The following C14orf39 variants were observed in gnomAD, a reference collection of about 807,000 sequenced individuals.
C14orf39 encodes protein SIX6OS1.
Under a neutral mutation model 85.6 loss-of-function variants are expected in C14orf39, and 66 were observed. That is an observed-to-expected ratio of 0.77 (90% CI 0.63 to 0.95). The LOEUF is 0.95. C14orf39 is among the 40% of genes least tolerant of loss of function. The pLI, the probability that C14orf39 is intolerant of heterozygous loss-of-function variation, is 0.00. For missense variants in C14orf39, 735 were observed against 663.9 expected, an observed-to-expected ratio of 1.11 and a Z score of -1.18; for synonymous variants, 242 against 214.0, an observed-to-expected ratio of 1.13 and a Z score of -1.14.
intron 5 of C14orf39, 125 bp downstream of exon 5, chr14:60,478,175 T>C (rs528786258): frequency 1.0e-4 from 3 of 29,076 alleles, no homozygotes; most frequent in Non-Finnish European, 2.1e-4. Context: ...CGAGACTCCA[T>C]CTCAAAAAAA....
intron 16 of C14orf39, among the ~76,000 whole-genome samples, chr14:60,453,121 T>A (rs1478402453): frequency 1.3e-5 from 2 of 152,062 alleles, no homozygotes; most frequent in African/African-American, 4.8e-5. Context: ...TTACTGATTG[T>A]GTTATCTAAT....
At chr14:60,467,708 A>G (rs1891863259) in intron 9 of C14orf39, among the ~76,000 whole-genome samples, 2 of 151,782 alleles carry the variant, frequency 1.3e-5, no homozygotes, top group South Asian at 2.1e-4. Context: ...AATGTGGTAC[A>G]TGGGAGTGGA....
chr14:60,466,366 T>C (rs1467468417), intron 10 of C14orf39, among the ~76,000 whole-genome samples: 1 of 151,966 alleles, frequency 6.6e-6, no homozygotes, highest in African/African-American at 2.4e-5. Context: ...TAATATAATG[T>C]ATTAGGTTGG....
In C14orf39 at chr14:60,484,854, A is replaced by G. The variant is rs768338107; in HGVS notation, c.106+27T>C. ...TGCCATAAGGAATTAAAAGACTAAAATATCTTGATCATGCAAAGCTACTTA... is the reference window on the plus strand; with the variant it reads ...TGCCATAAGGAATTAAAAGACTAAAGTATCTTGATCATGCAAAGCTACTTA... On this transcript the variant is annotated intron_variant, in intron 3 of 17. Transcript: ENST00000321731. This position sits in a 1 kb window ranked among gnomAD's most constrained non-coding sequence, Gnocchi z 4.2. 2.7e-6 allele frequency: 4 copies of G among 1,486,884 alleles called. No homozygotes were observed. The highest frequency in any genetic ancestry group is 1.4e-5 in the African/African-American group (1 of 71,116). The allele number at this position is 1,486,884 out of a possible 1,614,324, so 92.1% of individuals were successfully genotyped here. A position where few individuals can be genotyped will look rare whatever the true frequency, so the allele number is the denominator to read the frequency against.
At chr14:60,476,264 C>A (rs1251143507) in intron 5 of C14orf39, among the ~76,000 whole-genome samples, 1 of 152,170 alleles carries the variant, frequency 6.6e-6, no homozygotes, top group Non-Finnish European at 1.5e-5. Flanking sequence ...GCCACATCCA[C>A]CCTATTCATA....
At chr14:60,464,204 G>C (rs1156933070) in intron 11 of C14orf39, among the ~76,000 whole-genome samples, 3 of 152,152 alleles carry the variant, frequency 2.0e-5, no homozygotes, top group Admixed American at 6.6e-5. Flanking sequence ...AAGTGACCTA[G>C]AGGTAAAAGC....
At chr14:60,439,370 T>C (rs1009164523) in intron 17 of C14orf39, among the ~76,000 whole-genome samples, 1 of 151,978 alleles carries the variant, frequency 6.6e-6, no homozygotes, top group African/African-American at 2.4e-5. Context: ...AAACACCAAT[T>C]AGGATGATAT....
At chr14:60,499,019 G>A (rs908643779) in intron 2 of C14orf39, among the ~76,000 whole-genome samples, 2 of 152,122 alleles carry the variant, frequency 1.3e-5, no homozygotes, top group African/African-American at 4.8e-5. Flanking sequence ...AGCACTTCGG[G>A]AGGCCAAGGT....
intron 14 of C14orf39, among the ~76,000 whole-genome samples, chr14:60,458,440 A>C (rs1028593752): frequency 1.3e-5 from 2 of 151,896 alleles, no homozygotes; most frequent in Non-Finnish European, 2.9e-5. Flanking sequence ...TGTTGCTGCA[A>C]ATAACTAAAT....
chr14:60,483,953 T>C (rs951836516), intron 3 of C14orf39, 136 bp from the exon 4 acceptor site: 6 of 587,064 alleles, frequency 1.0e-5, no homozygotes, highest in African/African-American at 3.8e-5. Context: ...AGGCTTGAGA[T>C]GGGTGGGACC....
intron 5 of C14orf39, among the ~76,000 whole-genome samples, chr14:60,473,703 A>G (rs1892221661): frequency 6.6e-6 from 1 of 152,208 alleles, no homozygotes; most frequent in Non-Finnish European, 1.5e-5. Context: ...GTCAAAGATC[A>G]GATAGTTGTA....
intron 14 of C14orf39, among the ~76,000 whole-genome samples, chr14:60,458,469 C>T (rs967460654): frequency 6.6e-6 from 1 of 151,614 alleles, no homozygotes; most frequent in Non-Finnish European, 1.5e-5. Flanking sequence ...TTTTTATGGC[C>T]GAATAATATA....
chr14:60,477,183 A>C (rs930811755), intron 5 of C14orf39, among the ~76,000 whole-genome samples: 2 of 152,004 alleles, frequency 1.3e-5, no homozygotes, highest in Non-Finnish European at 2.9e-5. Context: ...CCCTCTGCCT[A>C]CCCTCTAGAT....
At chr14:60,477,143 T>C (rs1485174305) in intron 5 of C14orf39, among the ~76,000 whole-genome samples, 5 of 152,168 alleles carry the variant, frequency 3.3e-5, no homozygotes, top group Admixed American at 6.5e-5. Flanking sequence ...GATGTATAAA[T>C]GACAAGACAA....
chr14:60,457,909 C>T (rs1464654279), intron 14 of C14orf39, among the ~76,000 whole-genome samples: 1 of 151,884 alleles, frequency 6.6e-6, no homozygotes, highest in Non-Finnish European at 1.5e-5. Flanking sequence ...TTATTTTCAT[C>T]AATCATTATT....
intron 1 of C14orf39, among the ~76,000 whole-genome samples, chr14:60,485,743 C>A (rs1184392459): frequency 6.6e-6 from 1 of 152,118 alleles, no homozygotes; most frequent in East Asian, 1.9e-4. Flanking sequence ...CCTGGCTTCC[C>A]CTCGCCCGAG....
intron 13 of C14orf39, among the ~76,000 whole-genome samples, chr14:60,459,977 C>G (rs1324688528): frequency 6.6e-6 from 1 of 151,626 alleles, no homozygotes; most frequent in African/African-American, 2.4e-5. Context: ...CTCCATCTTT[C>G]TTTCATGATT....
chr14:60,441,030 C>T (rs1372930610), intron 17 of C14orf39, among the ~76,000 whole-genome samples: 1 of 152,084 alleles, frequency 6.6e-6, no homozygotes, highest in African/African-American at 2.4e-5. Flanking sequence ...GTATTTATCA[C>T]CAACAATAAG....
At chr14:60,448,976 A>C (rs1322930952) in intron 16 of C14orf39, among the ~76,000 whole-genome samples, 1 of 152,208 alleles carries the variant, frequency 6.6e-6, no homozygotes, top group Non-Finnish European at 1.5e-5. Context: ...CATAGGTGGA[A>C]ACTGAACAAT....
Sources: allele counts gnomAD v4.1 joint callset (sites outside exome capture counted in the v4.1 genomes callset), GRCh38; gene constraint gnomAD v4.1.1; non-coding constraint Gnocchi (gnomAD v3.1); transcripts MANE v1.5; gene names NCBI Gene and HGNC (gene_info 2026-07-23, HGNC 2026-07-21).